The following PXDN variants were observed in gnomAD, a reference collection of about 807,000 sequenced individuals.
The protein encoded by PXDN is peroxidasin.
Under a neutral mutation model 140.3 loss-of-function variants are expected in PXDN, and 77 were observed. The observed-to-expected ratio is 0.55, with a 90% CI of 0.46 to 0.66. The LOEUF (loss-of-function observed/expected upper bound fraction) is 0.66, where lower values mean the gene tolerates loss of function less well. PXDN is among the 30% of genes least tolerant of loss of function. The pLI is 0.00. For synonymous variants in PXDN, 911 were observed against 857.4 expected (o/e 1.06, Z -1.09); for missense variants, 1,838 against 2,039.5 (o/e 0.90, Z 1.90).
At chr2:1,679,543 TG>T (rs1281445788) in intron 7 of PXDN, among the ~76,000 whole-genome samples, 1 of 150,430 alleles carries the variant, frequency 6.6e-6, no homozygotes, top group African/African-American at 2.4e-5. Flanking sequence ...CATGTGTGTG[TG>T]TCTATAAATG....
chr2:1,700,220 C>G (rs533942411), intron 1 of PXDN, among the ~76,000 whole-genome samples: 1 of 152,252 alleles, frequency 6.6e-6, no homozygotes, highest in South Asian at 2.1e-4. Flanking sequence ...TGCCACTGCG[C>G]CCAGCTAATT....
chr2:1,723,738 G>GTA (rs1685109918), intron 1 of PXDN, among the ~76,000 whole-genome samples: 1 of 152,100 alleles, frequency 6.6e-6, no homozygotes, highest in African/African-American at 2.4e-5. Context: ...GGATGGATGG[G>GTA]TAAACGTGAA....
chr2:1,708,139 G>A (rs1237904367), intron 1 of PXDN, among the ~76,000 whole-genome samples: 5 of 152,202 alleles, frequency 3.3e-5, no homozygotes, highest in Non-Finnish European at 7.3e-5. Context: ...TTTTGGAGCT[G>A]GCCTTGCTGG....
At chr2:1,735,846 G>A (rs1434945736) in intron 1 of PXDN, among the ~76,000 whole-genome samples, 1 of 152,172 alleles carries the variant, frequency 6.6e-6, no homozygotes, top group African/African-American at 2.4e-5. Context: ...GGAAGTCCTA[G>A]ATGGCATCTT....
intron 1 of PXDN, among the ~76,000 whole-genome samples, chr2:1,719,776 G>A (rs1002163242): frequency 3.9e-5 from 6 of 151,970 alleles, no homozygotes; most frequent in African/African-American, 1.5e-4. Flanking sequence ...CGTGAACACT[G>A]GATTGGTCAG....
At chr2:1,671,637 C>G (rs1401212769) in intron 9 of PXDN, among the ~76,000 whole-genome samples, 1 of 152,150 alleles carries the variant, frequency 6.6e-6, no homozygotes, top group Admixed American at 6.5e-5. Context: ...AAATTGCAAA[C>G]TTTTTATATG....
At position 1,634,207 on chromosome 2, in the gene PXDN, G is replaced by C. The variant is rs144382074; in HGVS notation, c.4437C>G (p.Pro1479=). The stretch of plus-strand genomic sequence containing the variant: ...CTCTGAGGAGCCTCCCAGGAGCCTA[G>C]GGCTTTTCCTCCGCCCTCTTCTGTA... The part of the protein sequence containing the change: ...VCLQKRAEEK[P] The change falls in exon 23 of 23, where the codon CCC becomes CCG. Residue 1479 remains proline (P), a synonymous_variant. Transcript: ENST00000252804. 2.5e-6 allele frequency: 4 copies of C among 1,578,728 alleles called. No homozygotes were observed. The highest frequency in any genetic ancestry group is 3.4e-6 in the Non-Finnish European group (4 of 1,161,888).
At chr2:1,725,037 C>T (rs1264520419) in intron 1 of PXDN, among the ~76,000 whole-genome samples, 2 of 152,088 alleles carry the variant, frequency 1.3e-5, no homozygotes, top group Non-Finnish European at 2.9e-5. Flanking sequence ...CAGTCTTTTC[C>T]CATCAATGTT....
At position 1,632,463 on chromosome 2, in the gene PXDN, C is replaced by T. The variant is rs1381466073; in HGVS notation, c.*1741G>A. ...TTTGACTTGCTATTTCAAAAGAAGT[C>T]CACATGTCATGAAACACCAACCAAT... is the stretch of plus-strand genomic sequence containing the variant. On this transcript the variant is annotated 3_prime_UTR_variant, in exon 23 of 23. Transcript: ENST00000252804. The surrounding 1 kb of genome is among the most constrained non-coding windows in gnomAD (Gnocchi z 4.3). 2 of 152,326 alleles carry T rather than the reference C, an allele frequency of 1.3e-5. No homozygotes were observed. The highest frequency in any genetic ancestry group is 2.1e-4 in the South Asian group (1 of 4,830). The allele number at this position is 152,326 out of a possible 1,614,324, so 9.4% of individuals were successfully genotyped here.
chr2:1,688,519 T>C (rs1387602896), intron 3 of PXDN, among the ~76,000 whole-genome samples: 2 of 152,128 alleles, frequency 1.3e-5, no homozygotes, highest in Admixed American at 6.5e-5. Context: ...CACAAAACCA[T>C]GCGCATTGTG....
intron 7 of PXDN, among the ~76,000 whole-genome samples, chr2:1,679,172 T>C (rs1683804710): frequency 1.3e-5 from 2 of 148,878 alleles, no homozygotes; most frequent in South Asian, 4.3e-4. Flanking sequence ...GGTGAGTGTG[T>C]GGTGTGTGCG....
chr2:1,728,006 G>T (rs907670328), intron 1 of PXDN, among the ~76,000 whole-genome samples: 1 of 152,212 alleles, frequency 6.6e-6, no homozygotes, highest in Non-Finnish European at 1.5e-5. Context: ...TGCAATCACA[G>T]CTCACTGCAG....
In PXDN at chr2:1,649,235, T is replaced by G; in HGVS notation, c.2545A>C (p.Asn849His). 6.2e-7 allele frequency: 1 copy of G among 1,613,066 alleles called. No individual in the cohort carries two copies. Among genetic ancestry groups the G allele is most frequent in the Non-Finnish European group, 8.5e-7 (1 of 1,179,740 alleles). The change falls in exon 17 of 23, where the codon AAC becomes CAC. Residue 849 changes from asparagine to histidine, a missense_variant. Physicochemically the swap from Asn to His is moderately conservative, Grantham distance 68. Around this residue, in one of 5 missense-constraint regions of PXDN, gnomAD observed 850 missense variants for 894.1 expected, o/e 0.95. Coordinates refer to ENST00000252804, the MANE Select transcript of PXDN (RefSeq NM_012293.3). The surrounding 1 kb of genome is among the most constrained non-coding windows in gnomAD (Gnocchi z 7.1). Reference sequence around the variant, plus strand: ...CAGGGGGGGTCGTTGCTGCACACGTTGCTGCAGTGCTGTCCGTCGGAGAAG... The same window carrying G: ...CAGGGGGGGTCGTTGCTGCACACGTGGCTGCAGTGCTGTCCGTCGGAGAAG... Reference protein sequence around the residue: ...ARFSDGQHCSNVCSNDPPCFS... With the variant: ...ARFSDGQHCSHVCSNDPPCFS...
chr2:1,656,028 C>T (rs1284116786), intron 14 of PXDN, among the ~76,000 whole-genome samples: 4 of 151,700 alleles, frequency 2.6e-5, no homozygotes, highest in East Asian at 3.9e-4. Flanking sequence ...CAGATACACA[C>T]TACACATACC....
rs1349483229 is a variant in PXDN at position 1,649,379 on chromosome 2, T to C, written c.2401A>G (p.Thr801Ala). The change falls in exon 17 of 23, where the codon ACC becomes GCC. Residue 801 changes from threonine (T) to alanine (A), a missense_variant. Thr to Ala is a moderately conservative substitution (Grantham distance 58). Transcript: ENST00000252804. This position sits in a 1 kb window ranked among gnomAD's most constrained non-coding sequence, Gnocchi z 7.1. ...GTGACGGTCTCCGTCCCGATCAGGG[T>C]GGTGGACACCAGGCGCGGCATGGGA... ...ALPMPRLVST[T>A]LIGTETVTPD... is the part of the protein sequence containing the mutation. 1.9e-6 allele frequency: 3 copies of C among 1,613,746 alleles called. No individual in the cohort carries two copies. Among genetic ancestry groups the C allele is most frequent in the Non-Finnish European group, 2.5e-6 (3 of 1,179,842 alleles).
chr2:1,632,108 CAG>C lies in PXDN; in HGVS notation c.*2094_*2095del, dbSNP rs1682424528. ...CAGGCACTGCCCACTGTTCTGATTA[CAG>C]AGAGTATCAAACTGGTGATTCCGCA... On this transcript the variant is annotated 3_prime_UTR_variant, in exon 23 of 23. Coordinates refer to ENST00000252804, the MANE Select transcript of PXDN (RefSeq NM_012293.3). This position sits in a 1 kb window ranked among gnomAD's most constrained non-coding sequence, Gnocchi z 4.3. 1 of 152,528 alleles carries C rather than the reference CAG, an allele frequency of 6.6e-6. No homozygotes were observed. Among genetic ancestry groups the C allele is most frequent in the Admixed American group, 6.5e-5 (1 of 15,286 alleles). 9.4% of individuals were successfully genotyped at this position (152,528 alleles called of 1,614,324 possible). A position where few individuals can be genotyped will look rare whatever the true frequency, so the allele number is the denominator to read the frequency against.
At chr2:1,713,906 C>T (rs1684839113) in intron 1 of PXDN, among the ~76,000 whole-genome samples, 1 of 152,222 alleles carries the variant, frequency 6.6e-6, no homozygotes, top group African/African-American at 2.4e-5. Flanking sequence ...AAGAGTGCCT[C>T]AGCAGGCAGG....
At chr2:1,644,027 G>A (rs1050342712) in intron 18 of PXDN, among the ~76,000 whole-genome samples, 4 of 123,892 alleles carry the variant, frequency 3.2e-5, no homozygotes, top group South Asian at 2.9e-4. Flanking sequence ...AGTCGAGATC[G>A]CGCCACTGCA....
At chr2:1,721,375 CTT>C (rs1174042188) in intron 1 of PXDN, among the ~76,000 whole-genome samples, 1 of 152,166 alleles carries the variant, frequency 6.6e-6, no homozygotes, top group Non-Finnish European at 1.5e-5. Flanking sequence ...CCAGTGTGCT[CTT>C]TGAGTTGAGC....
Sources: allele counts gnomAD v4.1 joint callset (sites outside exome capture counted in the v4.1 genomes callset), GRCh38; gene constraint gnomAD v4.1.1; regional missense constraint gnomAD v4.1.1; non-coding constraint Gnocchi (gnomAD v3.1); transcripts MANE v1.5; gene names NCBI Gene and HGNC (gene_info 2026-07-23, HGNC 2026-07-21).